MACROD2: variants seen among roughly 807,000 people sequenced by gnomAD.
The protein encoded by MACROD2 is mono-ADP ribosylhydrolase 2, also known as ADP-ribose glycohydrolase MACROD2.
MACROD2 carries 36 observed loss-of-function variants against 70.4 expected under a neutral mutation model. The ratio of observed to expected loss-of-function variants is 0.51; its 90% CI spans 0.39 to 0.68. The LOEUF is 0.68. Among genes scored for constraint, MACROD2 ranks in the 30% least tolerant of loss-of-function variants. The probability of loss-of-function intolerance (pLI) is 0.00; values close to 1 mark genes in which losing one functional copy is unlikely to be tolerated. For synonymous variants in MACROD2, 172 were observed against 178.8 expected (o/e 0.96, Z 0.30); for missense variants, 496 against 538.4 (o/e 0.92, Z 0.78).
At chr20:14,130,770 C>T (rs2054706707) in intron 3 of MACROD2, among the ~76,000 whole-genome samples, 1 of 151,966 alleles carries the variant, frequency 6.6e-6, no homozygotes, top group African/African-American at 2.4e-5. Context: ...CAAATAAAAG[C>T]AAATTGGGAT....
intron 3 of MACROD2, among the ~76,000 whole-genome samples, chr20:14,276,173 C>CTATAAAG (rs1293859356): frequency 6.6e-6 from 1 of 152,110 alleles, no homozygotes; most frequent in Non-Finnish European, 1.5e-5. Flanking sequence ...AAGACACATG[C>CTATAAAG]ACGCGTATGT....
intron 7 of MACROD2, among the ~76,000 whole-genome samples, chr20:15,457,337 G>A (rs889012249): frequency 6.6e-6 from 1 of 152,004 alleles, no homozygotes; most frequent in Non-Finnish European, 1.5e-5. Flanking sequence ...ACCTTTTGCT[G>A]TTCAAATTGA....
At position 14,948,191 on chromosome 20, in the gene MACROD2, GA is replaced by G. The variant is rs200814172; in HGVS notation, c.418+263233del. Among the ~76,000 whole-genome samples, 569 of 152,276 alleles carry G rather than the reference GA, an allele frequency of 3.7e-3. 17 individuals are homozygous for G. In the East Asian group the frequency reaches 0.046, roughly 12 times the overall value. ...ATTTCACTCTGGCTCCTTTTCAGGA[GA>G]GAATCCTCTTCCCTGGATTTTGTCA... On this transcript the variant is annotated intron_variant, in intron 5 of 17. Coordinates refer to ENST00000684519, the MANE Select transcript of MACROD2 (RefSeq NM_001351661.2).
At chr20:15,753,502 TATCCA>T (rs1390956154) in intron 8 of MACROD2, among the ~76,000 whole-genome samples, 2 of 152,250 alleles carry the variant, frequency 1.3e-5, no homozygotes, top group Non-Finnish European at 2.9e-5. Flanking sequence ...ACATTTTCTT[TATCCA>T]ATCCACTGTT....
At chr20:14,392,855 G>A (rs1396949599) in intron 3 of MACROD2, among the ~76,000 whole-genome samples, 1 of 152,038 alleles carries the variant, frequency 6.6e-6, no homozygotes, top group Non-Finnish European at 1.5e-5. Flanking sequence ...TCTGCCCTGT[G>A]TATGAATTTG....
chr20:14,403,259 C>T (rs530768479), intron 3 of MACROD2, among the ~76,000 whole-genome samples: 1 of 152,122 alleles, frequency 6.6e-6, no homozygotes, highest in Non-Finnish European at 1.5e-5. Flanking sequence ...ATTGCCATGT[C>T]ACTGGATGAT....
chr20:15,410,739 C>T (rs933355796), intron 6 of MACROD2, among the ~76,000 whole-genome samples: 4 of 151,878 alleles, frequency 2.6e-5, no homozygotes, highest in Admixed American at 6.5e-5. Context: ...TAGTGATGTT[C>T]CTCCATCTGC....
intron 15 of MACROD2, among the ~76,000 whole-genome samples, chr20:16,002,017 ATATAGT>A (rs1407735050): frequency 4.6e-5 from 7 of 150,542 alleles, no homozygotes; most frequent in African/African-American, 1.5e-4. Context: ...GACAAGATAA[ATATAGT>A]TATATAATAT....
chr20:15,624,290 C>T (rs200757), intron 8 of MACROD2, among the ~76,000 whole-genome samples: 15,354 of 152,254 alleles, frequency 0.1, 851 homozygotes, highest in Non-Finnish European at 0.11. Context: ...GGATGGTGCC[C>T]ACCCACATTG....
At chr20:14,515,712 G>A (rs1880594550) in intron 4 of MACROD2, among the ~76,000 whole-genome samples, 1 of 151,916 alleles carries the variant, frequency 6.6e-6, no homozygotes, top group African/African-American at 2.4e-5. Context: ...ATGGGGATTT[G>A]GAGAGAAGAG....
At chr20:15,484,676 T>C (rs2047142381) in intron 7 of MACROD2, among the ~76,000 whole-genome samples, 1 of 152,172 alleles carries the variant, frequency 6.6e-6, no homozygotes, top group African/African-American at 2.4e-5. Context: ...TCTGGAAGCA[T>C]GAGGGGATTT....
At chr20:15,103,346 T>C (rs1162835855) in intron 5 of MACROD2, among the ~76,000 whole-genome samples, 1 of 152,062 alleles carries the variant, frequency 6.6e-6, no homozygotes, top group Non-Finnish European at 1.5e-5. Flanking sequence ...GGCCATTTTT[T>C]TTCATGTGTG....
chr20:16,011,669 C>T (rs1017397327), intron 15 of MACROD2, among the ~76,000 whole-genome samples: 2 of 152,196 alleles, frequency 1.3e-5, no homozygotes, highest in Non-Finnish European at 2.9e-5. Flanking sequence ...GTGAGGTGTG[C>T]AGTGTAGGGA....
At chr20:15,782,717 C>CAAAAAAAAAAGAAAAAAAAAAAAAA (rs2051854568) in intron 8 of MACROD2, among the ~76,000 whole-genome samples, 1 of 83,358 alleles carries the variant, frequency 1.2e-5, no homozygotes, top group Non-Finnish European at 2.4e-5. Flanking sequence ...AGAGAAATGG[C>CAAAAAAAAAAGAAAAAAAAAAAAAA]AAAAAAAAAA....
intron 5 of MACROD2, among the ~76,000 whole-genome samples, chr20:15,164,978 A>G (rs2076373703): frequency 6.6e-6 from 1 of 152,054 alleles, no homozygotes; most frequent in Non-Finnish European, 1.5e-5. Context: ...GGTAGAAATT[A>G]CTGAAGTCAT....
intron 10 of MACROD2, among the ~76,000 whole-genome samples, chr20:15,899,304 G>GTACATATA (rs535661680): frequency 2.8e-4 from 42 of 151,658 alleles, no homozygotes; most frequent in Non-Finnish European, 6.0e-4. Flanking sequence ...ACATATGTGT[G>GTACATATA]TACATATATA....
chr20:15,978,029 G>T (rs931149653), intron 13 of MACROD2, among the ~76,000 whole-genome samples: 1 of 152,130 alleles, frequency 6.6e-6, no homozygotes, highest in Non-Finnish European at 1.5e-5. Context: ...TCAATAATTT[G>T]CAGATTCACT....
chr20:14,186,467 A>G (rs2081344944), intron 3 of MACROD2, among the ~76,000 whole-genome samples: 1 of 152,200 alleles, frequency 6.6e-6, no homozygotes, highest in African/African-American at 2.4e-5. Flanking sequence ...ATTGGCAAAA[A>G]TGCAGAGAAG....
intron 3 of MACROD2, among the ~76,000 whole-genome samples, chr20:14,138,134 G>A (rs572403026): frequency 4.6e-5 from 7 of 152,248 alleles, no homozygotes; most frequent in African/African-American, 1.7e-4. Flanking sequence ...GGAGAAAAGG[G>A]AACCTTATAC....
Sources: gnomAD v4.1 joint callset for allele counts (sites outside exome capture counted in the v4.1 genomes callset) on GRCh38, gnomAD v4.1.1 for gene constraint, MANE v1.5 for transcripts, NCBI Gene and HGNC (gene_info 2026-07-23, HGNC 2026-07-21) for gene names.